Variants in METTL16 observed in about 807,000 individuals in gnomAD.
The protein encoded by METTL16 is RNA N(6)-adenosine-methyltransferase METTL16.
METTL16 carries 19 observed loss-of-function variants against 57.9 expected under a neutral mutation model. The observed-to-expected ratio is 0.33, with a 90% CI of 0.23 to 0.48. The LOEUF is 0.48. METTL16 is among the 20% of genes least tolerant of loss of function. The pLI is 0.99. For synonymous variants in METTL16, 246 were observed against 255.6 expected, an observed-to-expected ratio of 0.96 and a Z score of 0.36; for missense variants, 434 against 691.5, an observed-to-expected ratio of 0.63 and a Z score of 4.18.
At chr17:2,445,786 A>T (rs894092765) in intron 6 of METTL16, among the ~76,000 whole-genome samples, 3 of 146,758 alleles carry the variant, frequency 2.0e-5, no homozygotes, top group Non-Finnish European at 4.5e-5. Flanking sequence ...ACTCTAACTT[A>T]AAAAAAAAAA....
intron 8 of METTL16, among the ~76,000 whole-genome samples, chr17:2,435,563 T>C (rs2066903222): frequency 6.6e-6 from 1 of 152,156 alleles, no homozygotes; most frequent in Non-Finnish European, 1.5e-5. Context: ...TAAGAAACTG[T>C]TGCTGGGTTA....
At chr17:2,468,226 A>G (rs2067215104) in intron 4 of METTL16, among the ~76,000 whole-genome samples, 5 of 152,226 alleles carry the variant, frequency 3.3e-5, no homozygotes, top group African/African-American at 1.2e-4. Flanking sequence ...CTCAGAATAT[A>G]TCCCTGCTGT....
chr17:2,505,293 T>C (rs994348655), intron 1 of METTL16, among the ~76,000 whole-genome samples: 1 of 151,830 alleles, frequency 6.6e-6, no homozygotes, highest in Non-Finnish European at 1.5e-5. Flanking sequence ...CAGTTGATAG[T>C]TTCTCATATC....
intron 4 of METTL16, 61 bp from the exon 5 acceptor site, chr17:2,467,937 C>G (rs1274458038): frequency 3.6e-6 from 4 of 1,105,688 alleles, no homozygotes; most frequent in Non-Finnish European, 5.5e-6. Context: ...AAAGTATAAC[C>G]GCGCACTGCG....
At chr17:2,469,585 G>A (rs974765000) in intron 4 of METTL16, among the ~76,000 whole-genome samples, 8 of 152,132 alleles carry the variant, frequency 5.3e-5, no homozygotes, top group South Asian at 4.1e-4. Context: ...GTGCAGCGGC[G>A]AGATCTCCAC....
At chr17:2,475,091 GGAA>G (rs2067260483) in intron 3 of METTL16, 1 of 152,236 alleles carries the variant, frequency 6.6e-6, no homozygotes, top group Non-Finnish European at 1.5e-5. Context: ...GGATTTGCCA[GGAA>G]GAAGCAGAGG....
intron 2 of METTL16, among the ~76,000 whole-genome samples, chr17:2,492,111 T>C (rs1597468720): frequency 1.3e-5 from 2 of 150,986 alleles, no homozygotes; most frequent in African/African-American, 4.9e-5. Context: ...CTCGGGAGGC[T>C]GAGGTAGGAG....
chr17:2,428,595 AT>A lies in METTL16; in HGVS notation c.889-7692del, dbSNP rs1567881688. 2.8e-3 allele frequency among the ~76,000 whole-genome samples: 134 copies of A among 47,514 alleles called. 7 individuals carry two copies. Among genetic ancestry groups the A allele is most frequent in the African/African-American group, 4.0e-3 (34 of 8,420 alleles). The allele number at this position is 47,514 out of a possible 152,430, so 31.2% of individuals were successfully genotyped here. A position where few individuals can be genotyped will look rare whatever the true frequency, so the allele number is the denominator to read the frequency against. Reference sequence around the variant, plus strand: ...TATATATATATATATATATATATATATATATATAAATTGTAATACAGCGGGG... The same window carrying A: ...TATATATATATATATATATATATATAATATATAAATTGTAATACAGCGGGG... On this transcript the variant is annotated intron_variant, in intron 8 of 9. Transcript: ENST00000263092.
chr17:2,462,302 T>C (rs1442039065), intron 6 of METTL16, among the ~76,000 whole-genome samples: 1 of 152,082 alleles, frequency 6.6e-6, no homozygotes, highest in Non-Finnish European at 1.5e-5. Context: ...GACAGCAGAA[T>C]GATGGTTGCC....
chr17:2,448,206 A>G (rs1597448757), intron 6 of METTL16, among the ~76,000 whole-genome samples: 2 of 129,924 alleles, frequency 1.5e-5, no homozygotes, highest in Admixed American at 7.9e-5. Context: ...GGAAGTGAGG[A>G]GCCCCTCTGC....
At chr17:2,464,164 C>T (rs911228888) in intron 6 of METTL16, 44 bp downstream of exon 6, 3 of 1,579,730 alleles carry the variant, frequency 1.9e-6, no homozygotes, top group Non-Finnish European at 2.6e-6. Flanking sequence ...GGTAAATATT[C>T]CTGTGTTGTA....
chr17:2,473,083 C>T (rs1037838584), intron 4 of METTL16, among the ~76,000 whole-genome samples: 3 of 152,000 alleles, frequency 2.0e-5, no homozygotes, highest in African/African-American at 4.8e-5. Context: ...GAAGGCTATG[C>T]GTGTGTGGGG....
intron 6 of METTL16, among the ~76,000 whole-genome samples, chr17:2,445,134 G>A (rs1023855616): frequency 6.6e-6 from 1 of 152,170 alleles, no homozygotes; most frequent in African/African-American, 2.4e-5. Context: ...ACAGGTGTAA[G>A]CCGCCGTGCT....
chr17:2,511,467 C>T (rs1425317812), intron 1 of METTL16, among the ~76,000 whole-genome samples: 1 of 152,142 alleles, frequency 6.6e-6, no homozygotes, highest in East Asian at 1.9e-4. Flanking sequence ...TCCATGCCCT[C>T]ATTTTATCAG....
chr17:2,476,867 C>T (rs2067271856), intron 3 of METTL16, among the ~76,000 whole-genome samples: 1 of 151,364 alleles, frequency 6.6e-6, no homozygotes, highest in African/African-American at 2.4e-5. Flanking sequence ...GAGGCAGGAG[C>T]ATTGCTTGAA....
In METTL16 at chr17:2,461,576, CT is replaced by C. The variant is rs568432589; in HGVS notation, c.728+2631del. On this transcript the variant is annotated intron_variant, in intron 6 of 9. Coordinates refer to ENST00000263092, the MANE Select transcript of METTL16 (RefSeq NM_024086.4). ...TTCATTTCTGAGGATGTTCTCCTGT[CT>C]TTTTTTTTTTTTTTTTTCAGATGGA... Among the ~76,000 whole-genome samples the C allele has an allele frequency of 1.3e-3, 162 of 123,952 alleles. 1 individual carries two copies. The highest frequency in any genetic ancestry group is 4.3e-3 in the Admixed American group (53 of 12,202). The allele number at this position is 123,952 out of a possible 152,430, so 81.3% of individuals were successfully genotyped here. A position where few individuals can be genotyped will look rare whatever the true frequency, so the allele number is the denominator to read the frequency against.
chr17:2,440,987 A>AG (rs2066946216), intron 7 of METTL16, among the ~76,000 whole-genome samples: 1 of 150,122 alleles, frequency 6.7e-6, no homozygotes, highest in Non-Finnish European at 1.5e-5. Context: ...AAAAAAAAAA[A>AG]AAAAAAAAAG....
intron 6 of METTL16, among the ~76,000 whole-genome samples, chr17:2,443,369 A>C (rs2066967913): frequency 6.6e-6 from 1 of 152,178 alleles, no homozygotes; most frequent in South Asian, 2.1e-4. Context: ...GAATTCTACT[A>C]AACATTTAAG....
chr17:2,455,371 G>A (rs1407629783), intron 6 of METTL16, among the ~76,000 whole-genome samples: 3 of 152,192 alleles, frequency 2.0e-5, no homozygotes, highest in African/African-American at 7.2e-5. Context: ...ACAGGCGTGA[G>A]CCACCGTGCC....
Sources: gnomAD v4.1 joint callset for allele counts (sites outside exome capture counted in the v4.1 genomes callset) on GRCh38, gnomAD v4.1.1 for gene constraint, MANE v1.5 for transcripts, NCBI Gene and HGNC (gene_info 2026-07-23, HGNC 2026-07-21) for gene names.